ANKRD11: variants seen among roughly 807,000 people sequenced by gnomAD.
ANKRD11 encodes the protein ankyrin repeat domain-containing protein 11.
ANKRD11 carries 17 observed loss-of-function variants against 195.7 expected under a neutral mutation model. The ratio of observed to expected loss-of-function variants is 0.09; its 90% CI spans 0.06 to 0.13. The LOEUF (loss-of-function observed/expected upper bound fraction) is 0.13. Ranked by LOEUF, ANKRD11 falls within the 10% of genes least tolerant of loss-of-function variation. ANKRD11 has a pLI of 1.00. For missense variants in ANKRD11, 3,735 were observed against 3,566.1 expected (o/e 1.05, Z -1.21); for synonymous variants, 1,953 against 1,528.1 (o/e 1.28, Z -6.49).
intron 4 of ANKRD11, 80 bp downstream of exon 4, chr16:89,305,126 C>T (rs530929960): frequency 1.9e-5 from 30 of 1,566,726 alleles, no homozygotes; most frequent in Middle Eastern, 2.3e-4. Flanking sequence ...GCCGGAGGTG[C>T]GGGGGCCAGG....
chr16:89,406,942 G>A (rs938995132), intron 2 of ANKRD11, among the ~76,000 whole-genome samples: 2 of 152,210 alleles, frequency 1.3e-5, no homozygotes, highest in African/African-American at 4.8e-5. Flanking sequence ...ACTTTGGGAG[G>A]CCAGGGGAAG....
chr16:89,375,036 A>G (rs2040358975), intron 2 of ANKRD11, among the ~76,000 whole-genome samples: 1 of 152,096 alleles, frequency 6.6e-6, no homozygotes, highest in Non-Finnish European at 1.5e-5. Flanking sequence ...AAACGCTTAT[A>G]AATACTTACA....
At chr16:89,286,483 G>T in intron 7 of ANKRD11, 1 of 528,120 alleles carries the variant, frequency 1.9e-6, no homozygotes, top group Non-Finnish European at 3.2e-6. Flanking sequence ...CCATTTCTCC[G>T]TTGCCGCAAG....
intron 2 of ANKRD11, among the ~76,000 whole-genome samples, chr16:89,394,629 C>CAAAA (rs36087767): frequency 1.4e-5 from 2 of 140,248 alleles, no homozygotes; most frequent in African/African-American, 5.3e-5. Flanking sequence ...ACTCTGTCTC[C>CAAAA]AAAAAAAAAA....
chr16:89,281,816 C>T lies in ANKRD11; in HGVS notation c.4726G>A (p.Gly1576Ser), dbSNP rs2034273951. 1.2e-6 allele frequency: 2 copies of T among 1,613,994 alleles called. No individual in the cohort carries two copies. The highest frequency in any genetic ancestry group is 2.2e-5 in the East Asian group (1 of 44,868). Residue 1576 changes from glycine (G) to serine (S), a missense_variant, in exon 9 of 13, where the codon GGC becomes AGC. Transcript: ENST00000301030. The surrounding 1 kb of genome is among the most constrained non-coding windows in gnomAD (Gnocchi z 5.5). Reference sequence around the variant, plus strand: ...TCGAAGCTGGTCATCATCAGGTCGCCGTCCCCCAGGAGCTTCTCCCTGGGC... The same window carrying T: ...TCGAAGCTGGTCATCATCAGGTCGCTGTCCCCCAGGAGCTTCTCCCTGGGC... The part of the protein sequence containing the change: ...ARPREKLLGD[G>S]DLMMTSFERM...
At chr16:89,396,455 G>C (rs534653530) in intron 2 of ANKRD11, among the ~76,000 whole-genome samples, 1 of 152,108 alleles carries the variant, frequency 6.6e-6, no homozygotes, top group African/African-American at 2.4e-5. Flanking sequence ...ACACCTGCTG[G>C]GTTTTGGTGT....
intron 1 of ANKRD11, among the ~76,000 whole-genome samples, chr16:89,456,976 T>C (rs2056466226): frequency 7.4e-6 from 1 of 134,720 alleles, no homozygotes; most frequent in Non-Finnish European, 1.6e-5. Flanking sequence ...TTTTTTTTTT[T>C]TGAGACGGAG....
intron 1 of ANKRD11, among the ~76,000 whole-genome samples, chr16:89,488,426 T>TG (rs2152384480): frequency 6.6e-6 from 1 of 151,238 alleles, no homozygotes; most frequent in African/African-American, 2.4e-5. Flanking sequence ...CAATGAAGGC[T>TG]GAGCAAGACA....
At chr16:89,276,029 C>T (rs1161535543) in intron 9 of ANKRD11, among the ~76,000 whole-genome samples, 5 of 152,234 alleles carry the variant, frequency 3.3e-5, no homozygotes, top group Non-Finnish European at 7.3e-5. Flanking sequence ...CCACTCCCCA[C>T]AGGTGGACCC....
chr16:89,453,387 A>C (rs2056280385), intron 1 of ANKRD11, among the ~76,000 whole-genome samples: 1 of 152,198 alleles, frequency 6.6e-6, no homozygotes, highest in South Asian at 2.1e-4. Context: ...TCCTTATGGA[A>C]GTTTCCTCAA....
intron 1 of ANKRD11, among the ~76,000 whole-genome samples, chr16:89,450,961 T>C (rs1161572383): frequency 6.6e-6 from 1 of 152,228 alleles, no homozygotes; most frequent in African/African-American, 2.4e-5. Flanking sequence ...CTAAGAGTTA[T>C]GGCCTAAATC....
In ANKRD11 at chr16:89,279,895, G is replaced by A. The variant is rs2151734743; in HGVS notation, c.6647C>T (p.Ala2216Val). 4 of 1,605,360 alleles carry A rather than the reference G, an allele frequency of 2.5e-6. No homozygotes were observed. The highest frequency in any genetic ancestry group is 2.2e-5 in the South Asian group (2 of 90,078). The change falls in exon 9 of 13, where the codon GCT becomes GTT. Residue 2216 changes from alanine to valine, a missense_variant. By Grantham distance (64) the Ala-to-Val change is moderately conservative (BLOSUM62 0). Coordinates refer to ENST00000301030, the MANE Select transcript of ANKRD11 (RefSeq NM_013275.6). The surrounding 1 kb of genome is among the most constrained non-coding windows in gnomAD (Gnocchi z 5.6). ...CTCCGCCTCCACCGCAGCTTCTAGAGCCACGTCCAGCTTTGGCTCCCCTGA... is the reference window on the plus strand; with the variant it reads ...CTCCGCCTCCACCGCAGCTTCTAGAACCACGTCCAGCTTTGGCTCCCCTGA... The part of the protein sequence containing the change: ...EPSGEPKLDV[A>V]LEAAVEAETV...
At chr16:89,367,577 C>T (rs577730593) in intron 2 of ANKRD11, among the ~76,000 whole-genome samples, 1 of 152,226 alleles carries the variant, frequency 6.6e-6, no homozygotes, top group South Asian at 2.1e-4. Context: ...TGTTCCTGAC[C>T]CGTCCCTCCT....
At chr16:89,407,415 CCCCAGGCCCTT>C (rs1369327329) in intron 2 of ANKRD11, among the ~76,000 whole-genome samples, 1 of 152,172 alleles carries the variant, frequency 6.6e-6, no homozygotes, top group East Asian at 1.9e-4. Context: ...TGGGCTGCCT[CCCCAGGCCCTT>C]CCCAGCATTT....
chr16:89,378,388 T>C (rs925507237), intron 2 of ANKRD11, among the ~76,000 whole-genome samples: 18 of 152,226 alleles, frequency 1.2e-4, no homozygotes, highest in Admixed American at 9.8e-4. Context: ...AATGATTTCA[T>C]CAACGTGTAT....
chr16:89,386,698 C>T (rs556864477), intron 2 of ANKRD11, among the ~76,000 whole-genome samples: 3 of 152,322 alleles, frequency 2.0e-5, no homozygotes, highest in South Asian at 2.1e-4. Flanking sequence ...AAAGCAGACA[C>T]GCTTATAAGC....
intron 2 of ANKRD11, among the ~76,000 whole-genome samples, chr16:89,383,882 C>T (rs79185475): frequency 6.6e-6 from 1 of 152,350 alleles, no homozygotes; most frequent in African/African-American, 2.4e-5. Flanking sequence ...AGTCATACCT[C>T]TGTCTCACAA....
At chr16:89,412,550 G>A (rs1396941077) in intron 2 of ANKRD11, 2 of 152,166 alleles carry the variant, frequency 1.3e-5, no homozygotes, top group African/African-American at 4.8e-5. Flanking sequence ...TTTGCTACAG[G>A]AACCCAATTA....
rs1179112352 is a variant in ANKRD11 at position 89,279,864 on chromosome 16, C to A, written c.6678G>T (p.Val2226=). ...ALEAAVEAET[V]PEERARGDPD... is the part of the protein sequence containing the mutation. ...GATCCCCACGGGCCCTCTCTTCCGG[C>A]ACCGTCTCCGCCTCCACCGCAGCTT... The change falls in exon 9 of 13, where the codon GTG becomes GTT. Residue 2226 remains valine (V), a synonymous_variant. Transcript: ENST00000301030. This position sits in a 1 kb window ranked among gnomAD's most constrained non-coding sequence, Gnocchi z 5.6. The A allele has an allele frequency of 2.6e-6, 4 of 1,561,126 alleles. No homozygotes were observed. Among genetic ancestry groups the A allele is most frequent in the Non-Finnish European group, 3.5e-6 (4 of 1,154,514 alleles).
Sources: gnomAD v4.1 joint callset for allele counts (sites outside exome capture counted in the v4.1 genomes callset) on GRCh38, gnomAD v4.1.1 for gene constraint, Gnocchi (gnomAD v3.1) non-coding constraint, MANE v1.5 for transcripts, NCBI Gene and HGNC (gene_info 2026-07-23, HGNC 2026-07-21) for gene names.